PRKCB: variants seen among roughly 807,000 people sequenced by gnomAD.
The protein encoded by PRKCB is protein kinase C beta type.
Under a neutral mutation model 81.5 loss-of-function variants are expected in PRKCB, and 13 were observed. That is an observed-to-expected ratio of 0.16 (90% CI 0.10 to 0.25). The LOEUF (loss-of-function observed/expected upper bound fraction) is 0.25, where lower values mean the gene tolerates loss of function less well. Ranked by LOEUF, PRKCB falls within the 10% of genes least tolerant of loss-of-function variation. PRKCB has a pLI of 1.00. For missense variants in PRKCB, 509 were observed against 875.7 expected (o/e 0.58, Z 5.29); for synonymous variants, 335 against 321.4 (o/e 1.04, Z -0.45).
chr16:24,134,062 AT>A (rs940572612), intron 9 of PRKCB, among the ~76,000 whole-genome samples: 4 of 151,746 alleles, frequency 2.6e-5, no homozygotes, highest in Non-Finnish European at 5.9e-5. Flanking sequence ...CACCCAGCTA[AT>A]TTTTTTATTG....
Position 24,218,334 on chromosome 16 carries a change from T to C in PRKCB, c.*3518T>C. The C allele has an allele frequency of 1.0e-6, 1 of 985,272 alleles. No homozygotes were observed. The highest frequency in any genetic ancestry group is 1.2e-6 in the Non-Finnish European group (1 of 829,916). The allele number at this position is 985,272 out of a possible 1,614,324, so 61.0% of individuals were successfully genotyped here. ...CACCGGAAGTAACATGCCGAGCGCC[T>C]GGGGGATGGAAACTCCTATAGCACC... On this transcript the variant is annotated 3_prime_UTR_variant, in exon 17 of 17. Coordinates refer to ENST00000643927, the MANE Select transcript of PRKCB (RefSeq NM_002738.7).
At chr16:24,072,579 T>C (rs1178879715) in intron 5 of PRKCB, among the ~76,000 whole-genome samples, 1 of 148,922 alleles carries the variant, frequency 6.7e-6, no homozygotes, top group Non-Finnish European at 1.5e-5. Flanking sequence ...TCTCTTTCTC[T>C]CTCTCTCTCT....
At chr16:23,874,568 C>CTTTTTTT (rs58560122) in intron 2 of PRKCB, among the ~76,000 whole-genome samples, 7 of 133,048 alleles carry the variant, frequency 5.3e-5, no homozygotes, top group African/African-American at 8.6e-5. Context: ...ATTCTTCTCT[C>CTTTTTTT]TTTTTTTTTT....
rs557805138 is a variant in PRKCB at position 24,010,295 on chromosome 16, AT to A, written c.288+21712del. Among the ~76,000 whole-genome samples the A allele has an allele frequency of 2.3e-3, 343 of 152,166 alleles. 1 individual carries two copies. The highest frequency in any genetic ancestry group is 2.5e-3 in the Non-Finnish European group (171 of 67,974). ...AAAGGATGAAGGTCTAAGTTTTCCC[AT>A]TTTTTTCCAGAGAAATCTGAAATCC... On this transcript the variant is annotated intron_variant, in intron 3 of 16. Transcript: ENST00000643927.
At chr16:23,852,064 T>C (rs1236712052) in intron 2 of PRKCB, among the ~76,000 whole-genome samples, 1 of 152,220 alleles carries the variant, frequency 6.6e-6, no homozygotes, top group Non-Finnish European at 1.5e-5. Flanking sequence ...TGTCAACAAA[T>C]AGAGACAAGT....
chr16:23,885,910 G>T (rs902061046), intron 2 of PRKCB, among the ~76,000 whole-genome samples: 1 of 152,140 alleles, frequency 6.6e-6, no homozygotes, highest in African/African-American at 2.4e-5. Context: ...TTTTTGACTC[G>T]ATATTGGGCG....
chr16:23,981,063 C>G (rs1479406795), intron 2 of PRKCB, among the ~76,000 whole-genome samples: 1 of 152,010 alleles, frequency 6.6e-6, no homozygotes, highest in African/African-American at 2.4e-5. Flanking sequence ...GCTGCTGTAA[C>G]AAATTACCAC....
intron 10 of PRKCB, 135 bp from the exon 11 acceptor site, chr16:24,172,135 A>G: frequency 1.5e-6 from 1 of 668,884 alleles, no homozygotes; most frequent in Non-Finnish European, 2.7e-6. Context: ...TTGGGGAAAC[A>G]GGAAGCCCAG....
At chr16:23,854,212 G>A (rs1033940798) in intron 2 of PRKCB, among the ~76,000 whole-genome samples, 2 of 151,978 alleles carry the variant, frequency 1.3e-5, no homozygotes, top group African/African-American at 4.8e-5. Context: ...ATCCCAAGCA[G>A]ATCTCTTTGA....
chr16:24,190,106 AG>A (rs1356701389), intron 15 of PRKCB, among the ~76,000 whole-genome samples: 1 of 152,154 alleles, frequency 6.6e-6, no homozygotes, highest in Non-Finnish European at 1.5e-5. Context: ...CCAAAGATGG[AG>A]GGTTTTGATA....
At chr16:23,929,378 G>A (rs1200263854) in intron 2 of PRKCB, among the ~76,000 whole-genome samples, 2 of 152,086 alleles carry the variant, frequency 1.3e-5, no homozygotes, top group Non-Finnish European at 2.9e-5. Flanking sequence ...AGATGGACCT[G>A]GATTTAAGTC....
chr16:23,882,867 T>TGTAATCTACAG (rs1313525577), intron 2 of PRKCB, among the ~76,000 whole-genome samples: 1 of 151,528 alleles, frequency 6.6e-6, no homozygotes, highest in East Asian at 1.9e-4. Flanking sequence ...AGATTACAGG[T>TGTAATCTACAG]GTGAACTACT....
Position 24,000,098 on chromosome 16 carries a change from A to G in PRKCB, c.288+11508A>G, listed in dbSNP as rs144413585. On this transcript the variant is annotated intron_variant, in intron 3 of 16. Coordinates refer to ENST00000643927, the MANE Select transcript of PRKCB (RefSeq NM_002738.7). ...ATGTTTGCTAATGTCCTAAAAAGCT[A>G]GTCTCTGGCCAAGTCCAGATTCAAG... Among the ~76,000 whole-genome samples, 1,440 of 152,322 alleles carry G rather than the reference A, an allele frequency of 9.5e-3. 12 individuals carry two copies. The highest frequency in any genetic ancestry group is 0.016 in the Admixed American group (251 of 15,298).
chr16:24,016,525 T>C (rs1965280018), intron 3 of PRKCB, among the ~76,000 whole-genome samples: 1 of 152,114 alleles, frequency 6.6e-6, no homozygotes, highest in Non-Finnish European at 1.5e-5. Context: ...GCCAAGAATG[T>C]CTGGTTATAA....
chr16:24,064,496 T>C (rs919752464), intron 5 of PRKCB, among the ~76,000 whole-genome samples: 3 of 152,234 alleles, frequency 2.0e-5, no homozygotes, highest in African/African-American at 7.2e-5. Context: ...CATAATTTCA[T>C]TCATTTGACA....
intron 3 of PRKCB, 72 bp from the exon 4 acceptor site, chr16:24,032,064 C>A: frequency 9.1e-7 from 1 of 1,093,488 alleles, no homozygotes; most frequent in Non-Finnish European, 1.4e-6. Flanking sequence ...TCTCCAGTGC[C>A]TCTCGATGTA....
chr16:24,041,379 A>G (rs978793063), intron 5 of PRKCB, among the ~76,000 whole-genome samples: 1 of 152,070 alleles, frequency 6.6e-6, no homozygotes, highest in Non-Finnish European at 1.5e-5. Context: ...TGCTTTTTCA[A>G]TTCAGTATCT....
intron 7 of PRKCB, among the ~76,000 whole-genome samples, chr16:24,106,487 T>C (rs406192): frequency 6.6e-6 from 1 of 152,046 alleles, no homozygotes; most frequent in Non-Finnish European, 1.5e-5. Context: ...GTGCATACTA[T>C]TTGGTACCTT....
At chr16:24,161,780 G>A (rs1480777485) in intron 10 of PRKCB, among the ~76,000 whole-genome samples, 1 of 152,184 alleles carries the variant, frequency 6.6e-6, no homozygotes, top group Non-Finnish European at 1.5e-5. Flanking sequence ...GATTGAAAGA[G>A]ATGGTGAATA....
Sources: gnomAD v4.1 joint callset for allele counts (sites outside exome capture counted in the v4.1 genomes callset) on GRCh38, gnomAD v4.1.1 for gene constraint, MANE v1.5 for transcripts, NCBI Gene and HGNC (gene_info 2026-07-23, HGNC 2026-07-21) for gene names.